TOX: variants seen among roughly 807,000 people sequenced by gnomAD.
TOX encodes the protein thymocyte selection-associated high mobility group box protein TOX.
In TOX, 11 loss-of-function variants were observed where a neutral mutation model predicts 53.7. The ratio of observed to expected loss-of-function variants is 0.20; its 90% confidence interval spans 0.13 to 0.34. The LOEUF is 0.34. Among genes scored for constraint, TOX ranks in the 10% least tolerant of loss-of-function variants. TOX has a pLI of 1.00. For synonymous variants in TOX, 225 were observed against 245.3 expected, an observed-to-expected ratio of 0.92 and a Z score of 0.77; for missense variants, 570 against 664.6, an observed-to-expected ratio of 0.86 and a Z score of 1.56.
At chr8:58,876,427 A>C (rs7003454) in intron 3 of TOX, among the ~76,000 whole-genome samples, 32,718 of 152,050 alleles carry the variant, frequency 0.22, 3,801 homozygotes, top group African/African-American at 0.29. Flanking sequence ...TTACGCATTC[A>C]TTAATTTGAA....
intron 7 of TOX, among the ~76,000 whole-genome samples, chr8:58,813,130 ATCTGT>A (rs1242788244): frequency 6.6e-6 from 1 of 152,222 alleles, no homozygotes; most frequent in Non-Finnish European, 1.5e-5. Context: ...GTCCAATGTA[ATCTGT>A]TCTATTTTTT....
intron 5 of TOX, among the ~76,000 whole-genome samples, chr8:58,832,213 A>AAT (rs1009307265): frequency 8.8e-5 from 13 of 148,130 alleles, no homozygotes; most frequent in African/African-American, 3.2e-4. Flanking sequence ...TAATATATGT[A>AAT]ATATATATAT....
chr8:58,956,314 G>A (rs767728558), intron 2 of TOX, among the ~76,000 whole-genome samples: 116 of 152,278 alleles, frequency 7.6e-4, no homozygotes, highest in Non-Finnish European at 1.4e-3. Context: ...CATAGCATGC[G>A]TATCTGAGTG....
chr8:59,088,305 T>G (rs1481422825), intron 1 of TOX, among the ~76,000 whole-genome samples: 2 of 152,216 alleles, frequency 1.3e-5, no homozygotes, highest in Non-Finnish European at 2.9e-5. Flanking sequence ...ATTGCACTAT[T>G]ATGCTTTGTA....
At chr8:58,868,181 G>C (rs1370879508) in intron 3 of TOX, among the ~76,000 whole-genome samples, 5 of 152,132 alleles carry the variant, frequency 3.3e-5, no homozygotes, top group Non-Finnish European at 7.4e-5. Flanking sequence ...TGTAAGACAT[G>C]CAATTGCTCC....
At chr8:58,972,397 A>G (rs552531650) in intron 1 of TOX, among the ~76,000 whole-genome samples, 1 of 152,330 alleles carries the variant, frequency 6.6e-6, no homozygotes, top group East Asian at 1.9e-4. Context: ...CAGTCATAAC[A>G]AACTACACAA....
intron 3 of TOX, among the ~76,000 whole-genome samples, chr8:58,894,271 C>T (rs1811604582): frequency 6.6e-6 from 1 of 152,180 alleles, no homozygotes; most frequent in Admixed American, 6.5e-5. Flanking sequence ...AGGTACTGCA[C>T]AAACATTGTG....
intron 3 of TOX, among the ~76,000 whole-genome samples, chr8:58,912,495 A>C (rs1811925339): frequency 6.6e-6 from 1 of 152,214 alleles, no homozygotes; most frequent in African/African-American, 2.4e-5. Flanking sequence ...AAGAGCAGAT[A>C]TTTGTTTCAC....
chr8:58,921,418 A>G (rs1812073698), intron 3 of TOX, among the ~76,000 whole-genome samples: 1 of 152,250 alleles, frequency 6.6e-6, no homozygotes, highest in Non-Finnish European at 1.5e-5. Context: ...TCTATATGAC[A>G]ATTTGCCAAA....
At chr8:58,854,965 T>C (rs1178528185) in intron 3 of TOX, among the ~76,000 whole-genome samples, 1 of 152,198 alleles carries the variant, frequency 6.6e-6, no homozygotes. Context: ...GTTTTGACTA[T>C]TGGTTTCCTG....
chr8:58,838,152 T>G lies in TOX; in HGVS notation c.853A>C (p.Asn285His). The G allele has an allele frequency of 1.2e-6, 2 of 1,614,200 alleles. No individual in the cohort carries two copies. Among genetic ancestry groups the G allele is most frequent in the South Asian group, 2.2e-5 (2 of 91,084 alleles). The part of the protein sequence containing the change: ...TQAAIKGQNP[N>H]ATFGEVSKIV... ...TTAGAGACTTCGCCAAAGGTAGCGT[T>G]TGGATTTTGGCCCTTGATGGCGGCC... is the stretch of plus-strand genomic sequence containing the variant. Residue 285 changes from asparagine to histidine, a missense_variant, in exon 5 of 9, where the codon AAC becomes CAC. This residue lies in a region of TOX where 49 missense variants were observed against 98.9 expected (regional missense o/e 0.50). Transcript: ENST00000361421.
At chr8:59,114,341 T>G (rs1805066559) in intron 1 of TOX, among the ~76,000 whole-genome samples, 1 of 152,208 alleles carries the variant, frequency 6.6e-6, no homozygotes. Flanking sequence ...ACTTATAACT[T>G]TGTTTGCATA....
chr8:59,057,495 A>G (rs1803906177), intron 1 of TOX, among the ~76,000 whole-genome samples: 2 of 152,176 alleles, frequency 1.3e-5, no homozygotes, highest in African/African-American at 4.8e-5. Context: ...ATCTGATTTA[A>G]TCCTCACCCC....
intron 5 of TOX, among the ~76,000 whole-genome samples, chr8:58,837,080 T>C (rs1810558707): frequency 6.6e-6 from 1 of 152,180 alleles, no homozygotes. Flanking sequence ...GATGTTAATA[T>C]ATAATATAAA....
intron 1 of TOX, among the ~76,000 whole-genome samples, chr8:58,970,053 T>C (rs544530031): frequency 1.3e-5 from 2 of 152,318 alleles, no homozygotes; most frequent in South Asian, 4.1e-4. Flanking sequence ...TACTCCTAGA[T>C]AAAAAATGTG....
intron 3 of TOX, among the ~76,000 whole-genome samples, chr8:58,913,158 T>C (rs1436541606): frequency 6.6e-6 from 1 of 152,182 alleles, no homozygotes; most frequent in African/African-American, 2.4e-5. Context: ...CATTTCATGA[T>C]GTAATGAAGT....
intron 3 of TOX, among the ~76,000 whole-genome samples, chr8:58,908,287 C>T (rs1189594948): frequency 6.6e-6 from 1 of 152,160 alleles, no homozygotes; most frequent in Non-Finnish European, 1.5e-5. Context: ...ACCTTTTACA[C>T]GTAACCCAGC....
chr8:58,873,477 A>C (rs1425453442), intron 3 of TOX, among the ~76,000 whole-genome samples: 1 of 152,124 alleles, frequency 6.6e-6, no homozygotes, highest in Non-Finnish European at 1.5e-5. Context: ...GGACCCAAAC[A>C]GTCAGTTGGT....
Position 58,889,164 on chromosome 8 carries a change from T to C in TOX, c.412-37359A>G, listed in dbSNP as rs925638341. Among the ~76,000 whole-genome samples the C allele has an allele frequency of 4.9e-5, 7 of 142,080 alleles. No individual in the cohort carries two copies. The South Asian group carries it at 1.5e-3, about 31-fold the overall frequency. 93.2% of individuals were successfully genotyped at this position (142,080 alleles called of 152,430 possible). A position where few individuals can be genotyped will look rare whatever the true frequency, so the allele number is the denominator to read the frequency against. On this transcript the variant is annotated intron_variant, in intron 3 of 8. Coordinates refer to ENST00000361421, the MANE Select transcript of TOX (RefSeq NM_014729.3). ...AGTTCCACTGCTGCACTTACACTCATATAAGATATTTATACAGGGCTCTTC... is the reference window on the plus strand; with the variant it reads ...AGTTCCACTGCTGCACTTACACTCACATAAGATATTTATACAGGGCTCTTC...
Sources: allele counts gnomAD v4.1 joint callset (sites outside exome capture counted in the v4.1 genomes callset), GRCh38; gene constraint gnomAD v4.1.1; regional missense constraint gnomAD v4.1.1; transcripts MANE v1.5; gene names NCBI Gene and HGNC (gene_info 2026-07-23, HGNC 2026-07-21).